Variants in PATJ observed in about 807,000 individuals in gnomAD.
PATJ encodes the protein PATJ crumbs cell polarity complex component.
A neutral mutation model predicts 224.9 loss-of-function variants in PATJ; 190 were observed. That is an observed-to-expected ratio of 0.84 (90% CI 0.75 to 0.95). The LOEUF is 0.95. Ranked by LOEUF, PATJ falls within the 40% of genes least tolerant of loss-of-function variation. The pLI is 0.00. For missense variants in PATJ, 2,121 were observed against 2,270.3 expected, an observed-to-expected ratio of 0.93 and a Z score of 1.34; for synonymous variants, 769 against 820.3, an observed-to-expected ratio of 0.94 and a Z score of 1.07.
intron 43 of PATJ, among the ~76,000 whole-genome samples, chr1:62,153,861 G>A (rs1354341542): frequency 3.3e-5 from 5 of 152,166 alleles, no homozygotes; most frequent in African/African-American, 1.2e-4. Flanking sequence ...CCAGGGGGCT[G>A]AGGCAGAAAG....
chr1:61,919,979 T>C (rs1038214498), intron 26 of PATJ, among the ~76,000 whole-genome samples: 1 of 152,198 alleles, frequency 6.6e-6, no homozygotes, highest in Non-Finnish European at 1.5e-5. Context: ...AAAAAGTTGA[T>C]AGATCAAACT....
At chr1:61,821,887 A>G (rs1657338803) in intron 14 of PATJ, among the ~76,000 whole-genome samples, 1 of 152,174 alleles carries the variant, frequency 6.6e-6, no homozygotes, top group Non-Finnish European at 1.5e-5. Flanking sequence ...CTTGACTGTT[A>G]CAACCAACAA....
At chr1:61,901,515 AATC>A in intron 24 of PATJ, 56 bp downstream of exon 24, 15 of 1,293,968 alleles carry the variant, frequency 1.2e-5, no homozygotes, top group South Asian at 8.2e-5. Context: ...ACAGTGAAAT[AATC>A]ATTTAGCTAG....
chr1:61,905,341 T>A (rs1003249571), intron 24 of PATJ, among the ~76,000 whole-genome samples: 7 of 152,228 alleles, frequency 4.6e-5, no homozygotes. Context: ...AGAGCCCTCA[T>A]GACCTAATCA....
intron 27 of PATJ, among the ~76,000 whole-genome samples, chr1:61,977,021 A>T (rs955173580): frequency 5.9e-5 from 9 of 152,082 alleles, no homozygotes; most frequent in Non-Finnish European, 1.5e-5. Context: ...GTCTCAAAAA[A>T]TATTCTTACA....
intron 22 of PATJ, 40 bp from the exon 23 acceptor site, chr1:61,899,543 C>T: frequency 7.3e-7 from 1 of 1,374,462 alleles, no homozygotes; most frequent in Non-Finnish European, 1.0e-6. Context: ...AATGAGTATG[C>T]CCTAAAATTG....
intron 31 of PATJ, chr1:62,054,403 TG>T: frequency 7.2e-6 from 3 of 415,834 alleles, no homozygotes; most frequent in Middle Eastern, 6.9e-4. Context: ...GGCTAAGCCG[TG>T]GCCTATGCAT....
intron 28 of PATJ, among the ~76,000 whole-genome samples, chr1:61,994,199 G>A (rs1645223974): frequency 6.6e-6 from 1 of 152,182 alleles, no homozygotes. Context: ...CTGTGCATCT[G>A]TCATATAGCA....
At chr1:61,804,730 A>G (rs1653180675) in intron 12 of PATJ, among the ~76,000 whole-genome samples, 1 of 152,206 alleles carries the variant, frequency 6.6e-6, no homozygotes, top group Non-Finnish European at 1.5e-5. Context: ...TTCTGGCTAC[A>G]GTCATGTGGA....
intron 41 of PATJ, among the ~76,000 whole-genome samples, chr1:62,139,644 A>G (rs1448822095): frequency 6.6e-6 from 1 of 152,136 alleles, no homozygotes; most frequent in Admixed American, 6.6e-5. Context: ...TTCACAAGTC[A>G]AAGCCCCAGG....
intron 12 of PATJ, among the ~76,000 whole-genome samples, chr1:61,803,456 A>G (rs1652946848): frequency 6.6e-6 from 1 of 152,212 alleles, no homozygotes; most frequent in African/African-American, 2.4e-5. Context: ...CGTCATCAAT[A>G]TAACGGTCTT....
Position 62,161,959 on chromosome 1 carries a change from C to T in PATJ, c.*905C>T, listed in dbSNP as rs1329696078. 5 of 152,216 alleles carry T rather than the reference C, an allele frequency of 3.3e-5. No homozygotes were observed. The highest frequency in any genetic ancestry group is 6.5e-5 in the Admixed American group (1 of 15,276). The allele number at this position is 152,216 out of a possible 1,614,324, so 9.4% of individuals were successfully genotyped here. On this transcript the variant is annotated 3_prime_UTR_variant, in exon 44 of 44. Transcript: ENST00000642238. ...CTGTATGACTTATGGTCAAATAAGT[C>T]TCAAATTCATTTCTCTGGATAGATC...
At chr1:62,063,527 TC>T (rs749636479) in intron 31 of PATJ, among the ~76,000 whole-genome samples, 1 of 152,232 alleles carries the variant, frequency 6.6e-6, no homozygotes, top group Non-Finnish European at 1.5e-5. Context: ...GGATAGCTTT[TC>T]CTACTTTTGT....
chr1:62,159,311 C>A (rs994571525), intron 43 of PATJ, among the ~76,000 whole-genome samples: 2 of 152,132 alleles, frequency 1.3e-5, no homozygotes, highest in Non-Finnish European at 2.9e-5. Flanking sequence ...CCAGCCTCAG[C>A]CTCCCAAGTA....
At chr1:61,983,926 G>A (rs1475741549) in intron 27 of PATJ, among the ~76,000 whole-genome samples, 1 of 151,730 alleles carries the variant, frequency 6.6e-6, no homozygotes, top group Non-Finnish European at 1.5e-5. Flanking sequence ...CTGGGCTCAA[G>A]CAGTCATCCC....
At chr1:61,773,645 A>G (rs1385312919) in intron 6 of PATJ, among the ~76,000 whole-genome samples, 1 of 151,824 alleles carries the variant, frequency 6.6e-6, no homozygotes, top group Non-Finnish European at 1.5e-5. Flanking sequence ...AAACTAGCCA[A>G]GCGTGGTGGT....
chr1:61,787,878 C>T lies in PATJ; in HGVS notation c.974C>T (p.Ala325Val), dbSNP rs146582823. 2 of 1,614,150 alleles carry T rather than the reference C, an allele frequency of 1.2e-6. No individual in the cohort carries two copies. Among genetic ancestry groups the T allele is most frequent in the African/African-American group, 2.7e-5 (2 of 75,054 alleles). The part of the protein sequence containing the change: ...NCGNSVRMLV[A>V]RDPAGDISVT... Reference sequence around the variant, plus strand: ...GGGAATTCAGTCAGGATGCTCGTTGCTAGAGATCCAGCTGGTGACATTTCA... The same window carrying T: ...GGGAATTCAGTCAGGATGCTCGTTGTTAGAGATCCAGCTGGTGACATTTCA... The change falls in exon 8 of 44, where the codon GCT becomes GTT. Residue 325 changes from alanine to valine, a missense_variant. Physicochemically the swap from Ala to Val is moderately conservative, Grantham distance 64. Coordinates refer to ENST00000642238, the MANE Select transcript of PATJ (RefSeq NM_001350145.3).
At chr1:62,053,605 G>C (rs1167603398) in intron 31 of PATJ, among the ~76,000 whole-genome samples, 1 of 152,118 alleles carries the variant, frequency 6.6e-6, no homozygotes, top group Non-Finnish European at 1.5e-5. Context: ...TGTAATCCCA[G>C]CTACTTGGGA....
At chr1:61,960,703 A>G (rs1385397801) in intron 27 of PATJ, among the ~76,000 whole-genome samples, 4 of 152,136 alleles carry the variant, frequency 2.6e-5, no homozygotes, top group African/African-American at 4.8e-5. Flanking sequence ...ACGAAGTACA[A>G]TTTTTATGGA....
Sources: gnomAD v4.1 joint callset for allele counts (sites outside exome capture counted in the v4.1 genomes callset) on GRCh38, gnomAD v4.1.1 for gene constraint, MANE v1.5 for transcripts, NCBI Gene and HGNC (gene_info 2026-07-23, HGNC 2026-07-21) for gene names.